SHISA6: variants seen among roughly 807,000 people sequenced by gnomAD.
SHISA6 encodes protein shisa-6.
Under a neutral mutation model 47.9 loss-of-function variants are expected in SHISA6, and 22 were observed. The observed-to-expected ratio is 0.46, with a 90% CI of 0.33 to 0.66. The LOEUF (loss-of-function observed/expected upper bound fraction) is 0.66, where lower values mean the gene tolerates loss of function less well. Among genes scored for constraint, SHISA6 ranks in the 30% least tolerant of loss-of-function variants. SHISA6 has a pLI of 0.02. For missense variants in SHISA6, 680 were observed against 764.6 expected (o/e 0.89, Z 1.30); for synonymous variants, 388 against 337.8 (o/e 1.15, Z -1.63).
chr17:11,269,319 C>A (rs549914157), intron 2 of SHISA6, among the ~76,000 whole-genome samples: 1 of 152,186 alleles, frequency 6.6e-6, no homozygotes, highest in African/African-American at 2.4e-5. Flanking sequence ...GGATTACAGG[C>A]GTGAACCACT....
intron 3 of SHISA6, among the ~76,000 whole-genome samples, chr17:11,392,884 C>T (rs567984843): frequency 6.6e-6 from 1 of 152,370 alleles, no homozygotes; most frequent in Non-Finnish European, 1.5e-5. Flanking sequence ...AAAGAAGGCC[C>T]TACATGGCTG....
chr17:11,338,208 A>G (rs909904647), intron 2 of SHISA6, among the ~76,000 whole-genome samples: 2 of 152,150 alleles, frequency 1.3e-5, no homozygotes, highest in Non-Finnish European at 1.5e-5. Context: ...GGAGTTTGGC[A>G]TGCATCTGCT....
At chr17:11,419,070 G>T (rs1054192402) in intron 3 of SHISA6, among the ~76,000 whole-genome samples, 1 of 152,030 alleles carries the variant, frequency 6.6e-6, no homozygotes, top group African/African-American at 2.4e-5. Flanking sequence ...GTTGTGGGGT[G>T]GGGGGAGCGG....
chr17:11,417,737 T>C (rs1041193006), intron 3 of SHISA6, among the ~76,000 whole-genome samples: 2 of 152,240 alleles, frequency 1.3e-5, no homozygotes, highest in African/African-American at 4.8e-5. Flanking sequence ...CTTCTGGAAT[T>C]GGAGCTAGCA....
chr17:11,386,409 G>A (rs1913195977), intron 3 of SHISA6, among the ~76,000 whole-genome samples: 1 of 152,066 alleles, frequency 6.6e-6, no homozygotes, highest in Non-Finnish European at 1.5e-5. Flanking sequence ...AGTAATAGAA[G>A]ATTTTAAAAT....
intron 2 of SHISA6, among the ~76,000 whole-genome samples, chr17:11,370,505 G>C (rs1228469740): frequency 1.3e-5 from 2 of 152,144 alleles, no homozygotes; most frequent in Non-Finnish European, 2.9e-5. Context: ...ATGATTTGGG[G>C]GACATTTAGT....
intron 3 of SHISA6, among the ~76,000 whole-genome samples, chr17:11,468,965 G>A (rs1016930672): frequency 5.4e-5 from 7 of 128,598 alleles, no homozygotes; most frequent in East Asian, 2.5e-4. Context: ...GCAGTGAGCC[G>A]CCAAGATCGT....
chr17:11,455,489 T>C (rs1418650422), intron 3 of SHISA6, among the ~76,000 whole-genome samples: 4 of 151,772 alleles, frequency 2.6e-5, no homozygotes, highest in African/African-American at 9.7e-5. Flanking sequence ...CACAAATATT[T>C]ACTGAGTCTG....
At chr17:11,557,729 C>T in intron 5 of SHISA6, 25 bp from the exon 6 acceptor site, 2 of 1,513,094 alleles carry the variant, frequency 1.3e-6, no homozygotes, top group South Asian at 2.6e-5. Flanking sequence ...CAGTTGCCTT[C>T]TCTCACTCTG....
chr17:11,267,581 G>A (rs919471707), intron 2 of SHISA6, among the ~76,000 whole-genome samples: 3 of 152,172 alleles, frequency 2.0e-5, no homozygotes, highest in Non-Finnish European at 2.9e-5. Context: ...AAACTTCCAC[G>A]TGGTTCTCCT....
chr17:11,526,057 G>A (rs1473167756), intron 3 of SHISA6, among the ~76,000 whole-genome samples: 1 of 150,486 alleles, frequency 6.6e-6, no homozygotes, highest in African/African-American at 2.4e-5. Flanking sequence ...GTATCACTCC[G>A]AAGTGAAGGT....
At chr17:11,513,466 A>G (rs987780435) in intron 3 of SHISA6, among the ~76,000 whole-genome samples, 2 of 152,192 alleles carry the variant, frequency 1.3e-5, no homozygotes, top group African/African-American at 4.8e-5. Flanking sequence ...TCTGTGGAGA[A>G]AGATGTAACT....
intron 3 of SHISA6, among the ~76,000 whole-genome samples, chr17:11,493,721 C>T (rs141385201): frequency 6.6e-6 from 1 of 152,314 alleles, no homozygotes; most frequent in African/African-American, 2.4e-5. Flanking sequence ...TTCCCAGCCT[C>T]AGCAACCTCA....
intron 3 of SHISA6, among the ~76,000 whole-genome samples, chr17:11,502,494 G>A (rs548350934): frequency 8.1e-4 from 121 of 150,218 alleles, no homozygotes; most frequent in Non-Finnish European, 6.9e-4. Context: ...TTGGGAGGCC[G>A]AGACAGGTGG....
At chr17:11,342,971 A>G (rs910322558) in intron 2 of SHISA6, among the ~76,000 whole-genome samples, 7 of 152,168 alleles carry the variant, frequency 4.6e-5, no homozygotes, top group African/African-American at 1.7e-4. Flanking sequence ...TTCACAGATG[A>G]GGAGGTTAAC....
intron 3 of SHISA6, among the ~76,000 whole-genome samples, chr17:11,445,485 C>T (rs1376376214): frequency 6.6e-6 from 1 of 152,184 alleles, no homozygotes; most frequent in Admixed American, 6.5e-5. Context: ...TTTAGCAATG[C>T]AACTATATCA....
intron 3 of SHISA6, among the ~76,000 whole-genome samples, chr17:11,463,523 T>C (rs1915741250): frequency 6.6e-6 from 1 of 152,236 alleles, no homozygotes; most frequent in Non-Finnish European, 1.5e-5. Flanking sequence ...AGTTAAATGC[T>C]TTTAACAGAA....
chr17:11,336,793 G>A (rs530263420), intron 2 of SHISA6, among the ~76,000 whole-genome samples: 4 of 152,232 alleles, frequency 2.6e-5, no homozygotes, highest in Admixed American at 1.3e-4. Flanking sequence ...ATTTGGAGCC[G>A]GCACATTGTG....
rs903574196 is a variant in SHISA6 at position 11,561,176 on chromosome 17, T to C, written c.*2872T>C. ...GCCATGATTTCTAGCCCAACCAGGC[T>C]GGTGGCCTCTACCATACATAGAAGT... On this transcript the variant is annotated 3_prime_UTR_variant, in exon 6 of 6. Coordinates refer to ENST00000441885, the MANE Select transcript of SHISA6 (RefSeq NM_207386.4). 1.3e-5 allele frequency: 2 copies of C among 152,228 alleles called. No individual in the cohort carries two copies. Among genetic ancestry groups the C allele is most frequent in the Non-Finnish European group, 2.9e-5 (2 of 68,046 alleles). 9.4% of individuals were successfully genotyped at this position (152,228 alleles called of 1,614,324 possible). A position where few individuals can be genotyped will look rare whatever the true frequency, so the allele number is the denominator to read the frequency against.
Sources: allele counts gnomAD v4.1 joint callset (sites outside exome capture counted in the v4.1 genomes callset), GRCh38; gene constraint gnomAD v4.1.1; transcripts MANE v1.5; gene names NCBI Gene and HGNC (gene_info 2026-07-23, HGNC 2026-07-21).